Variants in PTPN4 observed in about 807,000 individuals in gnomAD.
The protein encoded by PTPN4 is tyrosine-protein phosphatase non-receptor type 4.
PTPN4 carries 49 observed loss-of-function variants against 135.5 expected under a neutral mutation model. That is an observed-to-expected ratio of 0.36 (90% confidence interval 0.29 to 0.46). PTPN4 has a LOEUF of 0.46. PTPN4 is among the 20% of genes least tolerant of loss of function. The pLI is 1.00. For synonymous variants in PTPN4, 333 were observed against 369.9 expected, an observed-to-expected ratio of 0.90 and a Z score of 1.14; for missense variants, 860 against 1,101.0, an observed-to-expected ratio of 0.78 and a Z score of 3.10.
intron 2 of PTPN4, among the ~76,000 whole-genome samples, chr2:119,862,164 A>T (rs1407115579): frequency 6.6e-6 from 1 of 152,208 alleles, no homozygotes; most frequent in African/African-American, 2.4e-5. Context: ...AGTATTTTCA[A>T]TCAAATGTTT....
At chr2:119,779,199 A>G (rs1005860273) in intron 1 of PTPN4, among the ~76,000 whole-genome samples, 2 of 152,218 alleles carry the variant, frequency 1.3e-5, no homozygotes, top group African/African-American at 4.8e-5. Context: ...ACAATAAGCT[A>G]AGTTAGTCCA....
rs1218456685 is a variant in PTPN4, at chr2:119,964,234, C to G, written c.2410-1263C>G. Reference sequence around the variant, plus strand: ...AGGTCCTCTCATGGAGTCTTTTTAGCATAAGACTGATCCTTTAAAGTATAG... The same window carrying G: ...AGGTCCTCTCATGGAGTCTTTTTAGGATAAGACTGATCCTTTAAAGTATAG... On this transcript the variant is annotated intron_variant, in intron 24 of 26. Coordinates refer to ENST00000263708, the MANE Select transcript of PTPN4 (RefSeq NM_002830.4). Among the ~76,000 whole-genome samples the G allele has an allele frequency of 3.3e-5, 5 of 152,138 alleles. No individual in the cohort carries two copies. The East Asian group carries it at 9.6e-4, about 29-fold the overall frequency.
chr2:119,951,900 T>C (rs1679216614), intron 18 of PTPN4, 73 bp from the exon 19 acceptor site: 31 of 1,266,040 alleles, frequency 2.4e-5, no homozygotes, highest in Non-Finnish European at 3.2e-5. Flanking sequence ...TTGGGTCTAT[T>C]AAAATAAATT....
At chr2:119,844,153 C>T (rs1220411981) in intron 2 of PTPN4, among the ~76,000 whole-genome samples, 23 of 90,714 alleles carry the variant, frequency 2.5e-4, no homozygotes, top group Non-Finnish European at 3.1e-4. Flanking sequence ...GGCGGGGGGC[C>T]GACGCCCCCC....
intron 26 of PTPN4, among the ~76,000 whole-genome samples, chr2:119,975,385 G>T (rs1679600013): frequency 6.6e-6 from 1 of 152,098 alleles, no homozygotes; most frequent in South Asian, 2.1e-4. Context: ...GAGAGTGCTG[G>T]TATTACAGGC....
chr2:119,809,984 A>G lies in PTPN4; in HGVS notation c.131A>G (p.Lys44Arg). 1 of 1,604,424 alleles carries G rather than the reference A, an allele frequency of 6.2e-7. No individual in the cohort carries two copies. Among genetic ancestry groups the G allele is most frequent in the South Asian group, 1.1e-5 (1 of 88,600 alleles). ...CTGGATAACACTGTACAAGCTTTCA[A>G]AGTCAATGTAAGTATTTTGTGTCTT... ...LLLDNTVQAF[K>R]VNKHDQGQVL... The change falls in exon 2 of 27, where the codon AAA becomes AGA. Residue 44 changes from lysine to arginine, a missense_variant. By Grantham distance (26) the Lys-to-Arg change is conservative. This residue lies in a region of PTPN4 where 684 missense variants were observed against 807.0 expected (regional missense o/e 0.85). Transcript: ENST00000263708.
intron 2 of PTPN4, among the ~76,000 whole-genome samples, chr2:119,829,822 A>T (rs193242353): frequency 3.9e-5 from 6 of 152,138 alleles, no homozygotes; most frequent in African/African-American, 1.4e-4. Context: ...AATTCTTTGG[A>T]GTCTATACCT....
intron 2 of PTPN4, among the ~76,000 whole-genome samples, chr2:119,813,565 G>A (rs1416903373): frequency 6.6e-6 from 1 of 152,050 alleles, no homozygotes; most frequent in Non-Finnish European, 1.5e-5. Context: ...TGGTTTCTAA[G>A]GGTGAGCATC....
Position 119,977,213 on chromosome 2 carries a change from A to G in PTPN4, c.*143A>G. The G allele has an allele frequency of 7.8e-7, 1 of 1,278,438 alleles. No homozygotes were observed. Among genetic ancestry groups the G allele is most frequent in the Non-Finnish European group, 1.0e-6 (1 of 992,698 alleles). 79.2% of individuals were successfully genotyped at this position (1,278,438 alleles called of 1,614,324 possible). The stretch of plus-strand genomic sequence containing the variant: ...ACTTTGAAAACTTCAGCACTGTTGC[A>G]CTTTATGTTTTAAAAAATGTCACTC... On this transcript the variant is annotated 3_prime_UTR_variant, in exon 27 of 27. Coordinates refer to ENST00000263708, the MANE Select transcript of PTPN4 (RefSeq NM_002830.4).
intron 12 of PTPN4, 129 bp downstream of exon 12, chr2:119,920,370 T>A: frequency 9.9e-7 from 1 of 1,008,372 alleles, no homozygotes; most frequent in Non-Finnish European, 1.4e-6. Context: ...TCCCTATGGA[T>A]TGCAGCCTCT....
At chr2:119,920,585 A>G (rs1421518933) in intron 12 of PTPN4, among the ~76,000 whole-genome samples, 1 of 152,184 alleles carries the variant, frequency 6.6e-6, no homozygotes, top group Non-Finnish European at 1.5e-5. Context: ...TAAGACACCC[A>G]AGGTATCTTA....
At chr2:119,851,832 A>G (rs1224785465) in intron 2 of PTPN4, among the ~76,000 whole-genome samples, 1 of 152,214 alleles carries the variant, frequency 6.6e-6, no homozygotes, top group Non-Finnish European at 1.5e-5. Context: ...TAGAGAGGCA[A>G]TGCAATAATT....
At chr2:119,842,696 A>T (rs1677399328) in intron 2 of PTPN4, among the ~76,000 whole-genome samples, 1 of 152,168 alleles carries the variant, frequency 6.6e-6, no homozygotes, top group African/African-American at 2.4e-5. Context: ...GGATGTTACA[A>T]ATATAGTACA....
intron 1 of PTPN4, among the ~76,000 whole-genome samples, chr2:119,782,750 G>C (rs1171040527): frequency 8.5e-6 from 1 of 117,674 alleles, no homozygotes; most frequent in African/African-American, 3.4e-5. Flanking sequence ...CTGTCATCCA[G>C]GCTGGAGATC....
intron 9 of PTPN4, among the ~76,000 whole-genome samples, chr2:119,893,498 G>C (rs752773084): frequency 1.1e-4 from 16 of 152,176 alleles, no homozygotes; most frequent in Non-Finnish European, 1.6e-4. Context: ...GAGTTGAGAG[G>C]AAAAGTCTGG....
chr2:119,835,176 C>G (rs1677272934), intron 2 of PTPN4, among the ~76,000 whole-genome samples: 1 of 151,990 alleles, frequency 6.6e-6, no homozygotes, highest in African/African-American at 2.4e-5. Context: ...TTATCAAAAT[C>G]AGTATGTTTA....
chr2:119,807,234 G>A, intron 1 of PTPN4, among the ~76,000 whole-genome samples: 1 of 152,122 alleles, frequency 6.6e-6, no homozygotes, highest in Non-Finnish European at 1.5e-5. Context: ...GATCAGAGCA[G>A]AACTGAAGGA....
chr2:119,948,387 C>A (rs1424165210), intron 18 of PTPN4, among the ~76,000 whole-genome samples: 1 of 151,826 alleles, frequency 6.6e-6, no homozygotes, highest in Non-Finnish European at 1.5e-5. Flanking sequence ...TCTTATAAAC[C>A]TAGTCAAATC....
At position 119,767,910 on chromosome 2, in the gene PTPN4, T is replaced by C. The variant is rs1690659295; in HGVS notation, c.-18+7526T>C. Among the ~76,000 whole-genome samples the C allele has an allele frequency of 2.0e-5, 3 of 152,200 alleles. No homozygotes were observed. The South Asian group carries it at 6.2e-4, about 31-fold the overall frequency. On this transcript the variant is annotated intron_variant, in intron 1 of 26. Coordinates refer to ENST00000263708, the MANE Select transcript of PTPN4 (RefSeq NM_002830.4). Reference sequence around the variant, plus strand: ...GTTATCGTTTTTTTCCTTTTGTAATTGGGAATTCTTATGTGAGAAGATATC... The same window carrying C: ...GTTATCGTTTTTTTCCTTTTGTAATCGGGAATTCTTATGTGAGAAGATATC...
Sources: gnomAD v4.1 joint callset for allele counts (sites outside exome capture counted in the v4.1 genomes callset) on GRCh38, gnomAD v4.1.1 for gene constraint, gnomAD v4.1.1 regional missense constraint, MANE v1.5 for transcripts, NCBI Gene and HGNC (gene_info 2026-07-23, HGNC 2026-07-21) for gene names.